Variants in RGS6 observed in about 807,000 individuals in gnomAD.
RGS6 encodes regulator of G-protein signaling 6.
RGS6 carries 30 observed loss-of-function variants against 78.5 expected under a neutral mutation model. The ratio of observed to expected loss-of-function variants is 0.38; its 90% confidence interval spans 0.29 to 0.52. The LOEUF is 0.52. Ranked by LOEUF, RGS6 falls within the 20% of genes least tolerant of loss-of-function variation. RGS6 has a pLI of 0.85. For missense variants in RGS6, 495 were observed against 609.7 expected (o/e 0.81, Z 1.98); for synonymous variants, 206 against 206.0 (o/e 1.00, Z 0.00).
At chr14:72,552,940 T>C (rs1310692839) in intron 17 of RGS6, among the ~76,000 whole-genome samples, 1 of 152,188 alleles carries the variant, frequency 6.6e-6, no homozygotes, top group East Asian at 1.9e-4. Flanking sequence ...TAGGAGCTGA[T>C]AGAAAACTCT....
chr14:72,487,230 G>A (rs558534771), intron 12 of RGS6, among the ~76,000 whole-genome samples: 14 of 152,284 alleles, frequency 9.2e-5, no homozygotes, highest in African/African-American at 2.2e-4. Flanking sequence ...AAAACATGGC[G>A]GTGCCATTAT....
chr14:72,398,550 C>T (rs2091862139), intron 3 of RGS6, among the ~76,000 whole-genome samples: 1 of 152,034 alleles, frequency 6.6e-6, no homozygotes, highest in Non-Finnish European at 1.5e-5. Context: ...TCTCTATTTC[C>T]TTCAGTTCTG....
chr14:71,945,982 A>G (rs1236041094), intron 1 of RGS6, among the ~76,000 whole-genome samples: 1 of 152,178 alleles, frequency 6.6e-6, no homozygotes, highest in East Asian at 1.9e-4. Context: ...GAAATGCTAC[A>G]GTGTTTAGAT....
intron 2 of RGS6, among the ~76,000 whole-genome samples, chr14:72,150,194 C>G (rs1476740131): frequency 6.6e-6 from 1 of 152,110 alleles, no homozygotes; most frequent in Non-Finnish European, 1.5e-5. Flanking sequence ...TGAGAAGGCA[C>G]AGAGACAAAG....
At chr14:72,449,079 C>G (rs2095433380) in intron 3 of RGS6, among the ~76,000 whole-genome samples, 1 of 152,130 alleles carries the variant, frequency 6.6e-6, no homozygotes, top group African/African-American at 2.4e-5. Flanking sequence ...TGAAGCTGTC[C>G]TCCCCACCCA....
the RGS6 span, among the ~76,000 whole-genome samples, chr14:72,599,407 T>G: frequency 9.5e-5 from 11 of 115,544 alleles, no homozygotes; most frequent in East Asian, 7.5e-4. Flanking sequence ...TTTTTTTTTT[T>G]TTTTTTTTTT....
At chr14:72,046,633 C>T (rs2092864997) in intron 2 of RGS6, among the ~76,000 whole-genome samples, 3 of 151,864 alleles carry the variant, frequency 2.0e-5, no homozygotes, top group Non-Finnish European at 4.4e-5. Context: ...CCTCCTCCCC[C>T]AACCCTTCTT....
rs139462201 is a variant in RGS6 at position 72,313,086 on chromosome 14, G to C, written c.85-39009G>C. Reference sequence around the variant, plus strand: ...TTCTAGCTCTGCCCCTTACTAGCTGGGTGGGATTGATTCCAGGTAACTGTC... The same window carrying C: ...TTCTAGCTCTGCCCCTTACTAGCTGCGTGGGATTGATTCCAGGTAACTGTC... On this transcript the variant is annotated intron_variant, in intron 2 of 17. Transcript: ENST00000553525. Among the ~76,000 whole-genome samples the C allele has an allele frequency of 1.4e-4, 22 of 152,270 alleles. No individual in the cohort carries two copies. The East Asian group carries it at 4.2e-3, about 29-fold the overall frequency.
At chr14:72,271,507 T>C (rs1486550200) in intron 2 of RGS6, among the ~76,000 whole-genome samples, 1 of 152,192 alleles carries the variant, frequency 6.6e-6, no homozygotes, top group Non-Finnish European at 1.5e-5. Flanking sequence ...AGCCAAACCA[T>C]ATCAACCACT....
At chr14:72,359,909 G>T (rs2081124362) in intron 3 of RGS6, among the ~76,000 whole-genome samples, 1 of 104,498 alleles carries the variant, frequency 9.6e-6, no homozygotes, top group Admixed American at 8.3e-5. Flanking sequence ...AATCCTTATT[G>T]GGTGTGTCCA....
chr14:72,235,051 G>A (rs895640282), intron 2 of RGS6, among the ~76,000 whole-genome samples: 11 of 152,080 alleles, frequency 7.2e-5, no homozygotes, highest in Non-Finnish European at 7.4e-5. Context: ...GCCATCTGAC[G>A]TGGTATTTAT....
At chr14:72,606,039 A>T in the RGS6 span, among the ~76,000 whole-genome samples, 5 of 151,960 alleles carry the variant, frequency 3.3e-5, no homozygotes, top group Non-Finnish European at 7.4e-5. Flanking sequence ...GTCCCCCGAG[A>T]CCTCTGGGCA....
chr14:72,068,357 A>G (rs556702844), intron 2 of RGS6, among the ~76,000 whole-genome samples: 18 of 151,948 alleles, frequency 1.2e-4, no homozygotes, highest in Admixed American at 1.1e-3. Context: ...CTGGTCTTGA[A>G]CTTGTGAGCT....
chr14:72,393,173 T>C (rs1181700739), intron 3 of RGS6, among the ~76,000 whole-genome samples: 1 of 152,206 alleles, frequency 6.6e-6, no homozygotes, highest in Non-Finnish European at 1.5e-5. Flanking sequence ...GCCACCCCTA[T>C]GCATGAAGAT....
chr14:72,223,106 T>C (rs910774451), intron 2 of RGS6, among the ~76,000 whole-genome samples: 1 of 152,208 alleles, frequency 6.6e-6, no homozygotes, highest in Non-Finnish European at 1.5e-5. Context: ...CTTCAAGAGT[T>C]CAAATTTGTT....
intron 2 of RGS6, among the ~76,000 whole-genome samples, chr14:72,122,752 T>C (rs76335619): frequency 7.4e-4 from 113 of 151,758 alleles, no homozygotes; most frequent in Non-Finnish European, 1.5e-3. Flanking sequence ...TTTTTTTTTT[T>C]TTTTCCATTC....
At chr14:72,237,019 G>A (rs1286592906) in intron 2 of RGS6, among the ~76,000 whole-genome samples, 1 of 152,062 alleles carries the variant, frequency 6.6e-6, no homozygotes, top group Non-Finnish European at 1.5e-5. Context: ...TTTTTTCTCA[G>A]CATGGATTAC....
rs899337256 is a variant in RGS6, at chr14:72,001,371, T to G, written c.84+36496T>G. ...AATTGCTATGCAATTCTGTGAAAAT[T>G]TAGTTCTCTCTAGGGCCTTTTCTAG... On this transcript the variant is annotated intron_variant, in intron 2 of 17. Coordinates refer to ENST00000553525, the MANE Select transcript of RGS6 (RefSeq NM_001204424.2). Among the ~76,000 whole-genome samples, 4 of 152,044 alleles carry G rather than the reference T, an allele frequency of 2.6e-5. 1 individual carries two copies. Among genetic ancestry groups the G allele is most frequent in the African/African-American group, 9.7e-5 (4 of 41,386 alleles).
At chr14:72,074,661 A>C (rs1169902390) in intron 2 of RGS6, among the ~76,000 whole-genome samples, 1 of 152,046 alleles carries the variant, frequency 6.6e-6, no homozygotes, top group Non-Finnish European at 1.5e-5. Flanking sequence ...GAGCATCTAC[A>C]TGCTCAATGC....
Sources: gnomAD v4.1 joint callset for allele counts (sites outside exome capture counted in the v4.1 genomes callset) on GRCh38, gnomAD v4.1.1 for gene constraint, MANE v1.5 for transcripts, NCBI Gene and HGNC (gene_info 2026-07-23, HGNC 2026-07-21) for gene names.